SAMD4A: variants seen among roughly 807,000 people sequenced by gnomAD.
SAMD4A encodes protein Smaug homolog 1.
In SAMD4A, 33 loss-of-function variants were observed where a neutral mutation model predicts 81.3. The observed-to-expected ratio is 0.41, with a 90% CI of 0.31 to 0.54. The LOEUF is 0.54. SAMD4A is among the 20% of genes least tolerant of loss of function. The pLI, the probability that SAMD4A is intolerant of heterozygous loss-of-function variation, is 0.37. For missense variants in SAMD4A, 854 were observed against 951.1 expected (o/e 0.90, Z 1.34); for synonymous variants, 389 against 382.1 (o/e 1.02, Z -0.21).
chr14:54,768,736 A>G (rs951945837), intron 8 of SAMD4A, among the ~76,000 whole-genome samples: 1 of 152,338 alleles, frequency 6.6e-6, no homozygotes, highest in African/African-American at 2.4e-5. Flanking sequence ...CTCGCCTCCT[A>G]GCCCACCTTG....
In SAMD4A at chr14:54,776,437, G is replaced by A. The variant is rs768364565; in HGVS notation, c.1941G>A (p.Gly647=). 6.3e-7 allele frequency: 1 copy of A among 1,591,036 alleles called. No individual in the cohort carries two copies. Among genetic ancestry groups the A allele is most frequent in the East Asian group, 2.4e-5 (1 of 42,092 alleles). ...GRQNLWFANP[G]GSNSMPSRTH... is the part of the protein sequence containing the mutation. ...AGAACCTGTGGTTTGCCAACCCCGG[G>A]GGCAGCAATAGCATGCCAAGCCGCA... The change falls in exon 11 of 13, where the codon GGG becomes GGA. Residue 647 remains glycine, a synonymous_variant. Coordinates refer to ENST00000554335, the MANE Select transcript of SAMD4A (RefSeq NM_015589.6).
intron 2 of SAMD4A, among the ~76,000 whole-genome samples, chr14:54,603,698 G>A (rs2034121630): frequency 6.6e-6 from 1 of 151,496 alleles, no homozygotes; most frequent in Non-Finnish European, 1.5e-5. Flanking sequence ...TCATTCCCAG[G>A]GACACTTATA....
At chr14:54,566,439 G>T (rs977834942), upstream of SAMD4A, among the ~76,000 whole-genome samples, 1 of 151,816 alleles carries the variant, frequency 6.6e-6, no homozygotes, top group Non-Finnish European at 1.5e-5. Context: ...GAAGCTAGCG[G>T]CTCCTTGAAG....
At chr14:54,764,319 C>CT (rs951657547) in intron 7 of SAMD4A, 136 bp from the exon 8 acceptor site, 36 of 663,136 alleles carry the variant, frequency 5.4e-5, no homozygotes, top group African/African-American at 5.1e-4. Flanking sequence ...GCCTCTTGGC[C>CT]TTTTTTGTGA....
At chr14:54,566,921 C>G (rs1309139291), upstream of SAMD4A, among the ~76,000 whole-genome samples, 5 of 152,122 alleles carry the variant, frequency 3.3e-5, no homozygotes, top group Non-Finnish European at 5.9e-5. Context: ...ATTTTTGTCT[C>G]GAGCTGCTGC....
chr14:54,625,324 A>G (rs138259630), intron 2 of SAMD4A, among the ~76,000 whole-genome samples: 167 of 152,334 alleles, frequency 1.1e-3, no homozygotes, highest in African/African-American at 3.8e-3. Context: ...TTGCTGCGCA[A>G]TTACTCCTAT....
intron 2 of SAMD4A, among the ~76,000 whole-genome samples, chr14:54,620,944 G>T (rs2034600219): frequency 6.6e-6 from 1 of 152,104 alleles, no homozygotes; most frequent in Non-Finnish European, 1.5e-5. Context: ...TTCTTTTGTA[G>T]AGATGAAACA....
At chr14:54,660,559 A>C (rs776438505) in intron 2 of SAMD4A, among the ~76,000 whole-genome samples, 24 of 152,254 alleles carry the variant, frequency 1.6e-4, no homozygotes, top group Non-Finnish European at 2.5e-4. Flanking sequence ...GACTGGAGAC[A>C]GACTTTCTTG....
Position 54,784,778 on chromosome 14 carries a change from T to G in SAMD4A, c.2128+158T>G, listed in dbSNP as rs2039091829. 2.0e-5 allele frequency among the ~76,000 whole-genome samples: 3 copies of G among 152,314 alleles called. No homozygotes were observed. In the South Asian group the frequency reaches 6.2e-4, roughly 32 times the overall value. Reference sequence around the variant, plus strand: ...GGGAGAAAGAGTGGCCTTAGGGTACTGTTGGACCATTTTCCAGCGGCACCA... The same window carrying G: ...GGGAGAAAGAGTGGCCTTAGGGTACGGTTGGACCATTTTCCAGCGGCACCA... On this transcript the variant is annotated intron_variant, in intron 12 of 12. Transcript: ENST00000554335.
chr14:54,644,025 A>C (rs1209678276), intron 2 of SAMD4A, among the ~76,000 whole-genome samples: 6 of 152,212 alleles, frequency 3.9e-5, no homozygotes, highest in East Asian at 1.9e-4. Flanking sequence ...AAGCAGTCAA[A>C]GGTCATTTGG....
intron 2 of SAMD4A, among the ~76,000 whole-genome samples, chr14:54,684,272 G>T (rs1224448439): frequency 6.6e-6 from 1 of 152,178 alleles, no homozygotes; most frequent in Non-Finnish European, 1.5e-5. Context: ...CCCCCAAATC[G>T]CTGGGCCACT....
At chr14:54,769,263 G>T (rs919369954) in intron 8 of SAMD4A, among the ~76,000 whole-genome samples, 2 of 152,146 alleles carry the variant, frequency 1.3e-5, no homozygotes, top group Non-Finnish European at 2.9e-5. Context: ...ACTAAATCAG[G>T]CTCTGGGCAT....
At chr14:54,674,950 A>AC (rs2035959103) in intron 2 of SAMD4A, among the ~76,000 whole-genome samples, 1 of 152,118 alleles carries the variant, frequency 6.6e-6, no homozygotes, top group African/African-American at 2.4e-5. Flanking sequence ...ATGAGGTCTC[A>AC]CTGTGTTGCC....
intron 2 of SAMD4A, among the ~76,000 whole-genome samples, chr14:54,633,984 C>G (rs889137078): frequency 6.6e-6 from 1 of 151,940 alleles, no homozygotes; most frequent in Non-Finnish European, 1.5e-5. Context: ...TAGATAGTCA[C>G]TAAATATTGT....
At chr14:54,697,743 C>T (rs936329921) in intron 2 of SAMD4A, among the ~76,000 whole-genome samples, 2 of 152,122 alleles carry the variant, frequency 1.3e-5, no homozygotes, top group African/African-American at 4.8e-5. Context: ...TTCTGTGGGT[C>T]AGAAATATGA....
rs74057924 is a variant in SAMD4A, at chr14:54,596,239, C to G, written c.196+28127C>G. The stretch of plus-strand genomic sequence containing the variant: ...GGGAAATCAACACGAGTTGGCAAAG[C>G]ATACCAGAAATAACAACAGAAGAAC... On this transcript the variant is annotated intron_variant, in intron 2 of 12. Transcript: ENST00000554335. Among the ~76,000 whole-genome samples the G allele has an allele frequency of 4.3e-3, 650 of 152,224 alleles. 5 individuals carry two copies. The highest frequency in any genetic ancestry group is 0.015 in the African/African-American group (621 of 41,532).
chr14:54,650,863 C>T (rs180994506), intron 2 of SAMD4A, among the ~76,000 whole-genome samples: 2 of 152,330 alleles, frequency 1.3e-5, no homozygotes, highest in Admixed American at 6.5e-5. Flanking sequence ...ATTCTTTCAG[C>T]GTTCTTTACT....
intron 2 of SAMD4A, among the ~76,000 whole-genome samples, chr14:54,676,213 A>G (rs2035990176): frequency 6.6e-6 from 1 of 152,108 alleles, no homozygotes; most frequent in African/African-American, 2.4e-5. Context: ...TTCACCTCTC[A>G]TTTTGGTATT....
rs144087623 is a variant in SAMD4A at position 54,656,518 on chromosome 14, C to A, written c.197-45544C>A. The stretch of plus-strand genomic sequence containing the variant: ...TGGCTCTTGATATACCAAGTACCAA[C>A]CTGTCTGCCAGATACTGAAAGATGC... On this transcript the variant is annotated intron_variant, in intron 2 of 12. Coordinates refer to ENST00000554335, the MANE Select transcript of SAMD4A (RefSeq NM_015589.6). Among the ~76,000 whole-genome samples, 943 of 152,260 alleles carry A rather than the reference C, an allele frequency of 6.2e-3. 6 individuals are homozygous for A. Among genetic ancestry groups the A allele is most frequent in the South Asian group, 0.023 (110 of 4,826 alleles).
Sources: allele counts gnomAD v4.1 joint callset (sites outside exome capture counted in the v4.1 genomes callset), GRCh38; gene constraint gnomAD v4.1.1; transcripts MANE v1.5; gene names NCBI Gene and HGNC (gene_info 2026-07-23, HGNC 2026-07-21).